Variants in MYO5A observed in about 807,000 individuals in gnomAD.
The protein encoded by MYO5A is unconventional myosin-Va.
Under a neutral mutation model 249.7 loss-of-function variants are expected in MYO5A, and 98 were observed. That is an observed-to-expected ratio of 0.39 (90% confidence interval 0.33 to 0.46). The LOEUF is 0.46. Ranked by LOEUF, MYO5A falls within the 20% of genes least tolerant of loss-of-function variation. The pLI, the probability that MYO5A is intolerant of heterozygous loss-of-function variation, is 0.98. For missense variants in MYO5A, 1,696 were observed against 2,308.8 expected (o/e 0.73, Z 5.44); for synonymous variants, 778 against 810.6 (o/e 0.96, Z 0.68).
intron 32 of MYO5A, among the ~76,000 whole-genome samples, chr15:52,339,935 C>G (rs1266629253): frequency 2.0e-5 from 3 of 152,174 alleles, no homozygotes; most frequent in Non-Finnish European, 4.4e-5. Context: ...CATCAAAAGC[C>G]CAGCCTGCAC....
At chr15:52,398,197 T>C (rs780464027) in intron 9 of MYO5A, among the ~76,000 whole-genome samples, 12 of 152,200 alleles carry the variant, frequency 7.9e-5, no homozygotes, top group Non-Finnish European at 1.5e-4. Context: ...CACTGAAGGA[T>C]TGTAAGCAGG....
At chr15:52,496,644 G>A (rs1191750474) in intron 1 of MYO5A, among the ~76,000 whole-genome samples, 4 of 152,220 alleles carry the variant, frequency 2.6e-5, no homozygotes, top group Non-Finnish European at 2.9e-5. Context: ...CATGAAGGAC[G>A]CAGGCCCTCC....
chr15:52,455,923 C>T (rs954618183), intron 1 of MYO5A, among the ~76,000 whole-genome samples: 2 of 151,980 alleles, frequency 1.3e-5, no homozygotes, highest in African/African-American at 2.4e-5. Context: ...AGGATGTCTA[C>T]TTTTACTTTT....
upstream of MYO5A, chr15:52,528,896 C>G (rs1367872025): frequency 1.6e-6 from 2 of 1,266,316 alleles, no homozygotes; most frequent in African/African-American, 1.6e-5. Context: ...GCGCCCGCAG[C>G]CGCCGGCAGG....
intron 9 of MYO5A, among the ~76,000 whole-genome samples, chr15:52,402,109 T>C (rs2042785833): frequency 6.6e-6 from 1 of 152,242 alleles, no homozygotes; most frequent in African/African-American, 2.4e-5. Flanking sequence ...TCCTCCAAAG[T>C]AGATTTGCAG....
intron 4 of MYO5A, among the ~76,000 whole-genome samples, chr15:52,423,455 G>A (rs1204026508): frequency 6.6e-6 from 1 of 152,082 alleles, no homozygotes; most frequent in Non-Finnish European, 1.5e-5. Flanking sequence ...GGGAGGCTGA[G>A]GCAGGAGAAT....
At chr15:52,369,892 T>TTA (rs1413998945) in intron 22 of MYO5A, among the ~76,000 whole-genome samples, 5 of 111,590 alleles carry the variant, frequency 4.5e-5, no homozygotes, top group African/African-American at 1.5e-4. Flanking sequence ...TTTTTTTTTT[T>TTA]AATATACAAG....
intron 39 of MYO5A, 46 bp from the exon 40 acceptor site, chr15:52,317,268 G>T: frequency 6.3e-7 from 1 of 1,582,536 alleles, no homozygotes; most frequent in Non-Finnish European, 8.6e-7. Flanking sequence ...GCTGAATTTT[G>T]TCAAAAATGT....
chr15:52,465,271 T>C (rs2076330524), intron 1 of MYO5A, among the ~76,000 whole-genome samples: 2 of 152,356 alleles, frequency 1.3e-5, no homozygotes, highest in South Asian at 4.1e-4. Context: ...TGCATGATGC[T>C]TTCTTATTAA....
chr15:52,382,010 C>T (rs1345465916), intron 16 of MYO5A, among the ~76,000 whole-genome samples: 1 of 152,146 alleles, frequency 6.6e-6, no homozygotes, highest in Non-Finnish European at 1.5e-5. Context: ...TCAAGTGATT[C>T]TCCTGCCTCA....
At position 52,308,982 on chromosome 15, in the gene MYO5A, C is replaced by T. The variant is rs1045702; in HGVS notation, c.*4714G>A. ...GCATGCACACACTGCAGTGCCCACG[C>T]ACACACTGACTTGTATATGGCCTGC... On this transcript the variant is annotated 3_prime_UTR_variant, in exon 42 of 42. Transcript: ENST00000399233. 1 of 152,648 alleles carries T rather than the reference C, an allele frequency of 6.6e-6. No homozygotes were observed. The highest frequency in any genetic ancestry group is 1.5e-5 in the Non-Finnish European group (1 of 68,280). 9.5% of individuals were successfully genotyped at this position (152,648 alleles called of 1,614,324 possible). A position where few individuals can be genotyped will look rare whatever the true frequency, so the allele number is the denominator to read the frequency against.
intron 25 of MYO5A, among the ~76,000 whole-genome samples, 196 bp downstream of exon 25, chr15:52,359,772 T>C (rs908867427): frequency 2.0e-5 from 3 of 152,162 alleles, no homozygotes; most frequent in Admixed American, 6.5e-5. Context: ...AAAAATGCAA[T>C]AGGTATGTAT....
chr15:52,479,489 A>G (rs746825553), intron 1 of MYO5A, among the ~76,000 whole-genome samples: 1 of 152,108 alleles, frequency 6.6e-6, no homozygotes, highest in Non-Finnish European at 1.5e-5. Flanking sequence ...ATCCATGTGT[A>G]AGTGGACCCA....
chr15:52,419,991 A>C (rs1457646370), intron 4 of MYO5A, among the ~76,000 whole-genome samples: 1 of 152,176 alleles, frequency 6.6e-6, no homozygotes, highest in African/African-American at 2.4e-5. Context: ...TCAATACAAC[A>C]GCGTTGAGAG....
In MYO5A at chr15:52,422,773, G is replaced by C. The variant is rs146888513; in HGVS notation, c.455+3057C>G. Among the ~76,000 whole-genome samples, 4 of 152,256 alleles carry C rather than the reference G, an allele frequency of 2.6e-5. No individual in the cohort carries two copies. The East Asian group carries it at 7.7e-4, about 29-fold the overall frequency. ...GCTCTGTCACCCAGGCAGGAATGCAGTGGCACCATCTTGGCCCACTGCAGC... is the reference window on the plus strand; with the variant it reads ...GCTCTGTCACCCAGGCAGGAATGCACTGGCACCATCTTGGCCCACTGCAGC... On this transcript the variant is annotated intron_variant, in intron 4 of 41. Coordinates refer to ENST00000399233, the MANE Select transcript of MYO5A (RefSeq NM_001382347.1).
chr15:52,396,314 A>T lies in MYO5A; in HGVS notation c.1401+2T>A. The T allele has an allele frequency of 6.7e-7, 1 of 1,482,780 alleles. No individual in the cohort carries two copies. Among genetic ancestry groups the T allele is most frequent in the Non-Finnish European group, 9.4e-7 (1 of 1,064,898 alleles). The allele number at this position is 1,482,780 out of a possible 1,614,324, so 91.9% of individuals were successfully genotyped here. A position where few individuals can be genotyped will look rare whatever the true frequency, so the allele number is the denominator to read the frequency against. ...GTATTATTCAAGGAAGAACATTCTT[A>T]CCATATTGAATTGTTGCTGTAGTTT... On this transcript the variant is annotated splice_donor_variant, in intron 11 of 41. Transcript: ENST00000399233. LOFTEE classifies it high-confidence loss of function.
chr15:52,372,485 A>G (rs1230561061), intron 20 of MYO5A, 122 bp from the exon 21 acceptor site: 2 of 1,304,088 alleles, frequency 1.5e-6, no homozygotes, highest in Admixed American at 3.9e-5. Context: ...TTGAATTGAC[A>G]ATGTACTATG....
At chr15:52,359,054 G>A (rs1393873327) in intron 25 of MYO5A, among the ~76,000 whole-genome samples, 5 of 152,110 alleles carry the variant, frequency 3.3e-5, no homozygotes, top group Non-Finnish European at 1.5e-5. Flanking sequence ...CTGTGAACCT[G>A]GACAAATTAC....
At chr15:52,515,911 A>T (rs1396306784) in intron 1 of MYO5A, among the ~76,000 whole-genome samples, 1 of 152,222 alleles carries the variant, frequency 6.6e-6, no homozygotes, top group African/African-American at 2.4e-5. Context: ...GCTTAAGAAG[A>T]TGAGAAAGCA....
Sources: gnomAD v4.1 joint callset for allele counts (sites outside exome capture counted in the v4.1 genomes callset) on GRCh38, gnomAD v4.1.1 for gene constraint, MANE v1.5 for transcripts, NCBI Gene and HGNC (gene_info 2026-07-23, HGNC 2026-07-21) for gene names.